NELL2: variants seen among roughly 807,000 people sequenced by gnomAD.
NELL2 encodes protein kinase C-binding protein NELL2.
Under a neutral mutation model 109.6 loss-of-function variants are expected in NELL2, and 41 were observed. That is an observed-to-expected ratio of 0.37 (90% CI 0.29 to 0.49). The LOEUF is 0.49. Among genes scored for constraint, NELL2 ranks in the 20% least tolerant of loss-of-function variants. The probability of loss-of-function intolerance (pLI) is 0.98; values close to 1 mark genes in which losing one functional copy is unlikely to be tolerated. For synonymous variants in NELL2, 355 were observed against 344.7 expected (o/e 1.03, Z -0.33); for missense variants, 900 against 1,008.3 (o/e 0.89, Z 1.45).
At chr12:44,757,617 A>G (rs902109243) in intron 9 of NELL2, among the ~76,000 whole-genome samples, 5 of 152,132 alleles carry the variant, frequency 3.3e-5, no homozygotes, top group African/African-American at 1.2e-4. Context: ...GTGGGTGCTG[A>G]AAAAAACAGG....
At chr12:44,902,926 G>A (rs994755154) in intron 1 of NELL2, among the ~76,000 whole-genome samples, 1 of 152,124 alleles carries the variant, frequency 6.6e-6, no homozygotes, top group Non-Finnish European at 1.5e-5. Context: ...AGATTTAAAC[G>A]TAAGACCTAA....
Position 44,778,872 on chromosome 12 carries a change from T to G in NELL2, c.606+791A>C, listed in dbSNP as rs558680904. ...TGCTTAAATAAGTTCCCAAAACACC[T>G]TTATAGAATTATAAACTTTGCTTAG... On this transcript the variant is annotated intron_variant, in intron 5 of 19. Transcript: ENST00000429094. Among the ~76,000 whole-genome samples the G allele has an allele frequency of 5.9e-5, 9 of 152,324 alleles. No homozygotes were observed. In the East Asian group the frequency reaches 1.7e-3, roughly 29 times the overall value.
intron 9 of NELL2, among the ~76,000 whole-genome samples, chr12:44,765,866 T>A (rs1026696465): frequency 2.0e-5 from 3 of 152,220 alleles, no homozygotes; most frequent in Admixed American, 6.5e-5. Context: ...GGCTCACGCC[T>A]GTAATCTGAG....
At chr12:44,512,510 T>G (rs1359350514) in intron 19 of NELL2, among the ~76,000 whole-genome samples, 2 of 152,078 alleles carry the variant, frequency 1.3e-5, no homozygotes, top group African/African-American at 4.8e-5. Flanking sequence ...ATCAGTATAT[T>G]GAAGATATAT....
intron 3 of NELL2, among the ~76,000 whole-genome samples, chr12:44,807,197 G>T (rs568853187): frequency 1.2e-3 from 187 of 151,788 alleles, no homozygotes; most frequent in Middle Eastern, 3.4e-3. Flanking sequence ...AAAATTAAGT[G>T]CTCAGCAAAG....
intron 13 of NELL2, among the ~76,000 whole-genome samples, chr12:44,664,007 C>T (rs1215831666): frequency 1.3e-5 from 2 of 152,092 alleles, no homozygotes; most frequent in South Asian, 2.1e-4. Flanking sequence ...TTAATAAGCA[C>T]ACCTTGAAAT....
intron 15 of NELL2, among the ~76,000 whole-genome samples, chr12:44,564,393 T>C (rs1171101916): frequency 6.6e-6 from 1 of 152,226 alleles, no homozygotes; most frequent in East Asian, 1.9e-4. Flanking sequence ...CGAAACGGTA[T>C]AAATACTGTA....
intron 19 of NELL2, 26 bp from the exon 20 acceptor site, chr12:44,509,010 A>C (rs1353359917): frequency 6.3e-7 from 1 of 1,595,826 alleles, no homozygotes. Flanking sequence ...GTAGAAAGAA[A>C]AACAGTATGA....
intron 11 of NELL2, among the ~76,000 whole-genome samples, chr12:44,709,686 G>A (rs1938087312): frequency 2.0e-5 from 3 of 152,126 alleles, no homozygotes; most frequent in Admixed American, 1.3e-4. Flanking sequence ...GAGCTTTTTT[G>A]TAGAAATTCA....
chr12:44,847,849 T>C (rs1157476376), intron 2 of NELL2, among the ~76,000 whole-genome samples: 2 of 151,840 alleles, frequency 1.3e-5, no homozygotes, highest in African/African-American at 2.4e-5. Context: ...CTGGCCAACA[T>C]GGCAAAACCC....
At position 44,724,674 on chromosome 12, in the gene NELL2, C is replaced by T. The variant is rs551099841; in HGVS notation, c.995-9933G>A. On this transcript the variant is annotated intron_variant, in intron 9 of 19. Coordinates refer to ENST00000429094, the MANE Select transcript of NELL2 (RefSeq NM_001145108.2). ...AGAATCAATATCATTAAAATGGCTA[C>T]ACAGCCCAAAGCAGTTTACATATTC... is the stretch of plus-strand genomic sequence containing the variant. Among the ~76,000 whole-genome samples the T allele has an allele frequency of 6.6e-5, 10 of 152,006 alleles. No homozygotes were observed. In the South Asian group the frequency reaches 2.1e-3, roughly 32 times the overall value.
At chr12:44,605,349 G>A (rs1364696543) in intron 15 of NELL2, among the ~76,000 whole-genome samples, 2 of 152,138 alleles carry the variant, frequency 1.3e-5, no homozygotes, top group Admixed American at 6.6e-5. Flanking sequence ...AACACAGAGG[G>A]AAGTTAAGTA....
chr12:44,638,602 T>C (rs1330347194), intron 13 of NELL2, among the ~76,000 whole-genome samples: 1 of 152,200 alleles, frequency 6.6e-6, no homozygotes, highest in Non-Finnish European at 1.5e-5. Flanking sequence ...AGTATAGCTA[T>C]GGGATGCTTT....
At position 44,765,295 on chromosome 12, in the gene NELL2, T is replaced by A. The variant is rs575763858; in HGVS notation, c.994+9452A>T. Among the ~76,000 whole-genome samples, 22 of 152,348 alleles carry A rather than the reference T, an allele frequency of 1.4e-4. 1 individual carries two copies. The highest frequency in any genetic ancestry group is 5.0e-4 in the African/African-American group (21 of 41,590). On this transcript the variant is annotated intron_variant, in intron 9 of 19. Coordinates refer to ENST00000429094, the MANE Select transcript of NELL2 (RefSeq NM_001145108.2). The stretch of plus-strand genomic sequence containing the variant: ...TTGTTGCACAAGTATTTGTGAGACA[T>A]CTCTTTATAATTTGCAATAATATTG...
chr12:44,808,781 C>T (rs1175885085), intron 3 of NELL2, among the ~76,000 whole-genome samples: 1 of 151,964 alleles, frequency 6.6e-6, no homozygotes, highest in African/African-American at 2.4e-5. Context: ...ATGACAAGCA[C>T]TCACAAACAT....
chr12:44,598,730 A>G (rs755655843), intron 15 of NELL2, among the ~76,000 whole-genome samples: 3 of 152,110 alleles, frequency 2.0e-5, no homozygotes, highest in Admixed American at 2.0e-4. Context: ...GCCAAACACC[A>G]GATATGGATT....
intron 9 of NELL2, among the ~76,000 whole-genome samples, chr12:44,749,042 A>T (rs551392338): frequency 6.6e-6 from 1 of 152,302 alleles, no homozygotes; most frequent in East Asian, 1.9e-4. Context: ...TTGCACGATG[A>T]AATCAGTTTT....
chr12:44,734,123 T>G (rs1939515772), intron 9 of NELL2, among the ~76,000 whole-genome samples: 1 of 152,034 alleles, frequency 6.6e-6, no homozygotes. Context: ...TGTCTATTGT[T>G]CCTTGTAATT....
intron 1 of NELL2, among the ~76,000 whole-genome samples, chr12:44,896,858 G>A (rs1482182306): frequency 2.0e-5 from 3 of 152,196 alleles, no homozygotes; most frequent in African/African-American, 4.8e-5. Context: ...ATGGACAAGT[G>A]GAAGATATGG....
Sources: allele counts gnomAD v4.1 joint callset (sites outside exome capture counted in the v4.1 genomes callset), GRCh38; gene constraint gnomAD v4.1.1; transcripts MANE v1.5; gene names NCBI Gene and HGNC (gene_info 2026-07-23, HGNC 2026-07-21).